TRPM7: variants seen among roughly 807,000 people sequenced by gnomAD.
The protein encoded by TRPM7 is LTRPC ion channel family member 7.
A neutral mutation model predicts 229.7 loss-of-function variants in TRPM7; 134 were observed. That is an observed-to-expected ratio of 0.58 (90% CI 0.51 to 0.67). The LOEUF is 0.67. Ranked by LOEUF, TRPM7 falls within the 30% of genes least tolerant of loss-of-function variation. TRPM7 has a pLI of 0.00. For synonymous variants in TRPM7, 699 were observed against 715.2 expected (o/e 0.98, Z 0.36); for missense variants, 1,901 against 2,210.0 (o/e 0.86, Z 2.80).
intron 3 of TRPM7, among the ~76,000 whole-genome samples, chr15:50,657,180 C>T (rs1347052658): frequency 6.6e-6 from 1 of 151,916 alleles, no homozygotes; most frequent in Non-Finnish European, 1.5e-5. Flanking sequence ...AAAAATTAGC[C>T]GGGCATGGTG....
intron 25 of TRPM7, 111 bp from the exon 26 acceptor site, chr15:50,592,737 A>G: frequency 1.4e-6 from 1 of 709,684 alleles, no homozygotes; most frequent in Non-Finnish European, 2.3e-6. Flanking sequence ...ATGCATTTAA[A>G]CAAGATATAA....
intron 31 of TRPM7, 93 bp from the exon 32 acceptor site, chr15:50,576,012 T>A: frequency 1.5e-6 from 2 of 1,318,776 alleles, no homozygotes; most frequent in East Asian, 4.7e-5. Context: ...ATTTTGAATT[T>A]CCATAGTGTA....
chr15:50,611,755 G>A (rs958154299), intron 16 of TRPM7, among the ~76,000 whole-genome samples: 2 of 152,176 alleles, frequency 1.3e-5, no homozygotes, highest in Admixed American at 1.3e-4. Flanking sequence ...AGTAACCATA[G>A]GATCCCTGTT....
At chr15:50,672,069 T>C (rs2062001402) in intron 1 of TRPM7, among the ~76,000 whole-genome samples, 1 of 151,668 alleles carries the variant, frequency 6.6e-6, no homozygotes, top group African/African-American at 2.4e-5. Context: ...TTTGTTTTTG[T>C]TTTTTGAGAC....
At chr15:50,589,903 G>C (rs1463080041) in intron 26 of TRPM7, among the ~76,000 whole-genome samples, 1 of 151,890 alleles carries the variant, frequency 6.6e-6, no homozygotes, top group Non-Finnish European at 1.5e-5. Flanking sequence ...TGTTGCCCAG[G>C]CTGGAGTGCA....
In TRPM7 at chr15:50,632,943, T is replaced by A; in HGVS notation, c.1057A>T (p.Thr353Ser). ...EPDIISTIKK[T>S]FNFGQNEALH... ...GCTTCATTCTGGCCAAAGTTAAATG[T>A]TTTTTTGATAGTGGAAATAATATCG... The change falls in exon 9 of 39, where the codon ACA (threonine) becomes TCA (serine). Residue 353 changes from threonine (T) to serine (S), a missense_variant. Coordinates refer to ENST00000646667, the MANE Select transcript of TRPM7 (RefSeq NM_017672.6). The A allele has an allele frequency of 6.2e-7, 1 of 1,604,912 alleles. No homozygotes were observed. Among genetic ancestry groups the A allele is most frequent in the East Asian group, 2.3e-5 (1 of 44,050 alleles).
chr15:50,678,800 C>A (rs2062162057), intron 1 of TRPM7, among the ~76,000 whole-genome samples: 1 of 152,000 alleles, frequency 6.6e-6, no homozygotes, highest in South Asian at 2.1e-4. Flanking sequence ...GAGGCCAAGG[C>A]AAGAGGACCA....
rs1408310355 is a variant in TRPM7 at position 50,592,643 on chromosome 15, A to G, written c.3609-17T>C. On this transcript the variant is annotated splice_polypyrimidine_tract_variant and intron_variant, in intron 25 of 38. Coordinates refer to ENST00000646667, the MANE Select transcript of TRPM7 (RefSeq NM_017672.6). ...TGTTCCACTCTGTAGGAGAGAAATA[A>G]GCTTTTTTTACAAATGTGAAAAAAT... The G allele has an allele frequency of 7.5e-6, 11 of 1,468,698 alleles. No individual in the cohort carries two copies. In the Admixed American group the frequency reaches 9.0e-5, roughly 12 times the overall value. The allele number at this position is 1,468,698 out of a possible 1,614,324, so 91.0% of individuals were successfully genotyped here.
In TRPM7 at chr15:50,647,194, G is replaced by A. The variant is rs1424650655; in HGVS notation, c.321+1493C>T. On this transcript the variant is annotated intron_variant, in intron 4 of 38. Coordinates refer to ENST00000646667, the MANE Select transcript of TRPM7 (RefSeq NM_017672.6). ...CACCCAGGCTGGAGTGCAGTGGCGC[G>A]ATCTCGGTTCACTGCAACCTTCACC... Among the ~76,000 whole-genome samples, 8 of 152,072 alleles carry A rather than the reference G, an allele frequency of 5.3e-5. No individual in the cohort carries two copies. The East Asian group carries it at 7.7e-4, about 15-fold the overall frequency.
chr15:50,601,732 A>G (rs1860057643), intron 21 of TRPM7, among the ~76,000 whole-genome samples: 1 of 152,072 alleles, frequency 6.6e-6, no homozygotes, highest in African/African-American at 2.4e-5. Flanking sequence ...CATTTACCAT[A>G]TAATTTTCAT....
chr15:50,644,864 T>C (rs148656137), intron 4 of TRPM7, among the ~76,000 whole-genome samples: 1 of 145,450 alleles, frequency 6.9e-6, no homozygotes, highest in Non-Finnish European at 1.5e-5. Flanking sequence ...TAAAACTGAG[T>C]AGAAGACTGG....
In TRPM7 at chr15:50,558,606, T is replaced by G. The variant is rs1024114313; in HGVS notation, c.*3072A>C. ...TACTTTGGAGGCTGAAGCACGAGAA[T>G]TGCTTGATCTTGGGAGGCAGAGGTT... On this transcript the variant is annotated 3_prime_UTR_variant, in exon 39 of 39. Coordinates refer to ENST00000646667, the MANE Select transcript of TRPM7 (RefSeq NM_017672.6). The G allele has an allele frequency of 2.0e-5, 3 of 152,046 alleles. No individual in the cohort carries two copies. Among genetic ancestry groups the G allele is most frequent in the Non-Finnish European group, 2.9e-5 (2 of 68,030 alleles). 9.4% of individuals were successfully genotyped at this position (152,046 alleles called of 1,614,324 possible).
intron 4 of TRPM7, among the ~76,000 whole-genome samples, chr15:50,647,193 C>T (rs528997816): frequency 7.9e-5 from 12 of 152,226 alleles, no homozygotes; most frequent in South Asian, 4.1e-4. Context: ...TGCAGTGGCG[C>T]GATCTCGGTT....
At chr15:50,576,380 G>A (rs571025803) in intron 31 of TRPM7, among the ~76,000 whole-genome samples, 1 of 152,244 alleles carries the variant, frequency 6.6e-6, no homozygotes, top group East Asian at 1.9e-4. Flanking sequence ...AATGTTGCAA[G>A]AAGACAAAGA....
intron 29 of TRPM7, among the ~76,000 whole-genome samples, chr15:50,581,625 C>G (rs541750635): frequency 1.3e-5 from 2 of 151,744 alleles, no homozygotes; most frequent in Non-Finnish European, 2.9e-5. Flanking sequence ...TTCACTGCAG[C>G]CTTTGTTGTG....
In TRPM7 at chr15:50,580,892, C is replaced by G. The variant is rs1470791193; in HGVS notation, c.4574G>C (p.Arg1525Thr). ...AALIPDWLQD[R>T]PSNREMPSEE... ...TACTTACATTTCTCTGTTTGATGGT[C>G]TATCTTGTAACCAATCCTTCAGTAA... is the stretch of plus-strand genomic sequence containing the variant. Residue 1525 changes from arginine (R) to threonine (T), a missense_variant, in exon 30 of 39, where the codon AGA (arginine) becomes ACA (threonine). Transcript: ENST00000646667. 1.9e-6 allele frequency: 3 copies of G among 1,585,862 alleles called. No individual in the cohort carries two copies. Among genetic ancestry groups the G allele is most frequent in the African/African-American group, 2.8e-5 (2 of 72,702 alleles).
Position 50,604,914 on chromosome 15 carries a change from T to C in TRPM7, c.2940A>G (p.Leu980=). The change falls in exon 21 of 39, where the codon CTA becomes CTG. Residue 980 remains leucine, a synonymous_variant. Transcript: ENST00000646667. ...AAGGTCCTGCCTGTTGATTTACAGC[T>C]AGAAAATCTAGCAAACGCACATACC... ...IFWYVRLLDF[L]AVNQQAGPYV... is the part of the protein sequence containing the mutation. 3.1e-6 allele frequency: 5 copies of C among 1,612,056 alleles called. No individual in the cohort carries two copies. The highest frequency in any genetic ancestry group is 4.2e-6 in the Non-Finnish European group (5 of 1,179,022).
At chr15:50,651,665 A>T (rs2061423085) in intron 3 of TRPM7, among the ~76,000 whole-genome samples, 1 of 151,850 alleles carries the variant, frequency 6.6e-6, no homozygotes, top group African/African-American at 2.4e-5. Context: ...TAAAGAAAAG[A>T]AGACTGTGGG....
At chr15:50,646,719 T>C (rs1472458496) in intron 4 of TRPM7, among the ~76,000 whole-genome samples, 1 of 152,220 alleles carries the variant, frequency 6.6e-6, no homozygotes, top group Non-Finnish European at 1.5e-5. Context: ...TCCTGCATTG[T>C]TGAAAAAGTG....
Sources: gnomAD v4.1 joint callset for allele counts (sites outside exome capture counted in the v4.1 genomes callset) on GRCh38, gnomAD v4.1.1 for gene constraint, MANE v1.5 for transcripts, NCBI Gene and HGNC (gene_info 2026-07-23, HGNC 2026-07-21) for gene names.